Variants in MDGA2 observed in about 807,000 individuals in gnomAD.
MDGA2 encodes the protein MAM domain containing glycosylphosphatidylinositol anchor 2.
Under a neutral mutation model 117.8 loss-of-function variants are expected in MDGA2, and 40 were observed. The observed-to-expected ratio is 0.34, with a 90% CI of 0.26 to 0.44. The LOEUF (loss-of-function observed/expected upper bound fraction) is 0.44. MDGA2 is among the 20% of genes least tolerant of loss of function. The pLI is 1.00. For synonymous variants in MDGA2, 452 were observed against 439.0 expected, an observed-to-expected ratio of 1.03 and a Z score of -0.37; for missense variants, 1,123 against 1,250.6, an observed-to-expected ratio of 0.90 and a Z score of 1.54.
At chr14:47,272,906 G>T (rs574166036) in intron 2 of MDGA2, among the ~76,000 whole-genome samples, 1 of 152,216 alleles carries the variant, frequency 6.6e-6, no homozygotes, top group African/African-American at 2.4e-5. Flanking sequence ...AAGGTAATTG[G>T]TTACTATAAA....
In MDGA2 at chr14:47,674,958, C is replaced by T. The variant is rs1594976991; in HGVS notation, c.-162G>A. 4.5e-6 allele frequency: 2 copies of T among 448,380 alleles called. No homozygotes were observed. The highest frequency in any genetic ancestry group is 7.1e-5 in the East Asian group (2 of 27,982). The allele number at this position is 448,380 out of a possible 1,614,324, so 27.8% of individuals were successfully genotyped here. A position where few individuals can be genotyped will look rare whatever the true frequency, so the allele number is the denominator to read the frequency against. On this transcript the variant is annotated 5_prime_UTR_variant, in exon 1 of 17. Coordinates refer to ENST00000399232, the MANE Select transcript of MDGA2 (RefSeq NM_001113498.3). ...AAGGGGAGCTGCGAGGCGAAGTGTT[C>T]TTCAGGGAAGCGGGCTCGAGTCTCC...
At chr14:47,030,369 C>G (rs1888618937) in intron 8 of MDGA2, among the ~76,000 whole-genome samples, 1 of 151,782 alleles carries the variant, frequency 6.6e-6, no homozygotes, top group Non-Finnish European at 1.5e-5. Flanking sequence ...ACAAAATTAG[C>G]TGGGCATGGT....
chr14:46,877,428 A>G (rs1882276986), intron 12 of MDGA2, 61 bp downstream of exon 12: 1 of 956,392 alleles, frequency 1.0e-6, no homozygotes, highest in Non-Finnish European at 1.5e-6. Context: ...GTATATTTAT[A>G]AACATTATAT....
At chr14:46,960,243 T>C in intron 8 of MDGA2, among the ~76,000 whole-genome samples, 1 of 152,024 alleles carries the variant, frequency 6.6e-6, no homozygotes, top group East Asian at 1.9e-4. Context: ...ATATTGTACA[T>C]TATAGTATAA....
At chr14:47,603,106 T>C (rs1896677698) in intron 1 of MDGA2, among the ~76,000 whole-genome samples, 1 of 152,144 alleles carries the variant, frequency 6.6e-6, no homozygotes, top group African/African-American at 2.4e-5. Context: ...ATATATAATC[T>C]ACCCCAATAA....
At chr14:47,129,294 A>G (rs1487466096) in intron 5 of MDGA2, among the ~76,000 whole-genome samples, 1 of 146,320 alleles carries the variant, frequency 6.8e-6, no homozygotes, top group Non-Finnish European at 1.5e-5. Flanking sequence ...TCCTGTGTCC[A>G]TGTGATCTCA....
intron 1 of MDGA2, among the ~76,000 whole-genome samples, chr14:47,478,320 T>C (rs1488502731): frequency 6.6e-6 from 1 of 152,172 alleles, no homozygotes; most frequent in Admixed American, 6.5e-5. Context: ...CAAAAGGTTA[T>C]TCAATATCAA....
At chr14:47,321,819 T>C (rs1304262439) in intron 1 of MDGA2, among the ~76,000 whole-genome samples, 1 of 152,194 alleles carries the variant, frequency 6.6e-6, no homozygotes, top group African/African-American at 2.4e-5. Flanking sequence ...TGCTATGCCT[T>C]TACTTCCATC....
chr14:47,386,168 G>C (rs1891752854), intron 1 of MDGA2, among the ~76,000 whole-genome samples: 1 of 152,048 alleles, frequency 6.6e-6, no homozygotes, highest in African/African-American at 2.4e-5. Flanking sequence ...TGTAATCCCA[G>C]CTACTCAGGA....
chr14:47,475,381 T>C (rs1412445928), intron 1 of MDGA2, among the ~76,000 whole-genome samples: 2 of 152,158 alleles, frequency 1.3e-5, no homozygotes, highest in African/African-American at 4.8e-5. Flanking sequence ...TTGGTGGGAA[T>C]ATAAATTAGT....
At chr14:46,996,325 TGAG>T (rs757918271) in intron 8 of MDGA2, 14 of 152,210 alleles carry the variant, frequency 9.2e-5, no homozygotes, top group Non-Finnish European at 1.9e-4. Context: ...AACAGGGTTC[TGAG>T]GTGTCTTGGA....
chr14:46,995,589 T>G (rs903330155), intron 8 of MDGA2, among the ~76,000 whole-genome samples: 1 of 152,078 alleles, frequency 6.6e-6, no homozygotes, highest in Admixed American at 6.6e-5. Context: ...CTGAATCCAT[T>G]ATAAGAAAAT....
At chr14:47,115,072 A>G (rs2139073887) in intron 5 of MDGA2, among the ~76,000 whole-genome samples, 1 of 152,154 alleles carries the variant, frequency 6.6e-6, no homozygotes, top group African/African-American at 2.4e-5. Flanking sequence ...GACAAAAGTG[A>G]TCAACATTCT....
intron 1 of MDGA2, among the ~76,000 whole-genome samples, chr14:47,464,388 G>T (rs1893556562): frequency 6.6e-6 from 1 of 152,054 alleles, no homozygotes; most frequent in South Asian, 2.1e-4. Context: ...GGAAGAGAGG[G>T]AGTCAAACTA....
At chr14:47,059,909 G>C (rs553225203) in intron 7 of MDGA2, among the ~76,000 whole-genome samples, 1 of 152,048 alleles carries the variant, frequency 6.6e-6, no homozygotes, top group Non-Finnish European at 1.5e-5. Context: ...ATATTGGAAT[G>C]TCATACAGTA....
In MDGA2 at chr14:47,671,205, T is replaced by G. The variant is rs1040669718; in HGVS notation, c.280+3312A>C. On this transcript the variant is annotated intron_variant, in intron 1 of 16. Transcript: ENST00000399232. ...CACCATATATAAATCTTAGCTATTGTGCAGTTCGTTTGCTAAGCACTATTC... is the reference window on the plus strand; with the variant it reads ...CACCATATATAAATCTTAGCTATTGGGCAGTTCGTTTGCTAAGCACTATTC... Among the ~76,000 whole-genome samples the G allele has an allele frequency of 3.9e-5, 6 of 152,314 alleles. No homozygotes were observed. The East Asian group carries it at 9.6e-4, about 24-fold the overall frequency.
chr14:47,566,559 C>A (rs1371636000), intron 1 of MDGA2, among the ~76,000 whole-genome samples: 1 of 152,178 alleles, frequency 6.6e-6, no homozygotes, highest in Non-Finnish European at 1.5e-5. Context: ...TTGCACTTGT[C>A]ACTTCTCTAA....
intron 3 of MDGA2, among the ~76,000 whole-genome samples, chr14:47,168,703 A>AT (rs1051555031): frequency 1.3e-5 from 2 of 152,130 alleles, no homozygotes; most frequent in African/African-American, 2.4e-5. Flanking sequence ...AACCAAGTTC[A>AT]TTTTAAGAAA....
At chr14:46,981,437 A>C (rs139000463) in intron 8 of MDGA2, among the ~76,000 whole-genome samples, 77 of 152,288 alleles carry the variant, frequency 5.1e-4, no homozygotes, top group Non-Finnish European at 7.1e-4. Flanking sequence ...AGGATATAAA[A>C]TATAAATTTA....
Sources: allele counts gnomAD v4.1 joint callset (sites outside exome capture counted in the v4.1 genomes callset), GRCh38; gene constraint gnomAD v4.1.1; transcripts MANE v1.5; gene names NCBI Gene and HGNC (gene_info 2026-07-23, HGNC 2026-07-21).